Variants in HCFC1 observed in about 807,000 individuals in gnomAD.
HCFC1 encodes the protein host cell factor 1.
A neutral mutation model predicts 105.5 loss-of-function variants in HCFC1; 7 were observed. The observed-to-expected ratio is 0.07, with a 90% CI of 0.04 to 0.12. HCFC1 has a LOEUF of 0.12. Ranked by LOEUF, HCFC1 falls within the 10% of genes least tolerant of loss-of-function variation. HCFC1 has a pLI of 1.00. For missense variants in HCFC1, 1,065 were observed against 1,823.6 expected (o/e 0.58, Z 7.58); for synonymous variants, 918 against 828.1 (o/e 1.11, Z -1.86).
intron 17 of HCFC1, 141 bp downstream of exon 17, chrX:153,953,925 G>A (rs1356940799): frequency 7.9e-6 from 7 of 885,794 alleles, no homozygotes; most frequent in Admixed American, 3.0e-5. Context: ...CAGCCAGGAC[G>A]CCCCAGCTCT....
At chrX:153,963,126 AG>A (rs2065444804) in intron 4 of HCFC1, 98 bp downstream of exon 4, 2 of 622,192 alleles carry the variant, frequency 3.2e-6, no homozygotes, top group African/African-American at 4.4e-5. Context: ...CAGCTCCCTA[AG>A]AGCCCCACCT....
In HCFC1 at chrX:153,971,278, G is replaced by A. The variant is rs1019863811; in HGVS notation, c.-438C>T. The A allele has an allele frequency of 1.3e-5, 4 of 298,644 alleles. No homozygotes were observed. In the South Asian group the frequency reaches 5.5e-4, roughly 41 times the overall value. 24.6% of individuals were successfully genotyped at this position (298,644 alleles called of 1,213,427 possible). A position where few individuals can be genotyped will look rare whatever the true frequency, so the allele number is the denominator to read the frequency against. ...CACCCCCAAGTCCCCAGCACTGGCC[G>A]GCTTCCGGGGCGGGTGGAAAGGAGC... is the stretch of plus-strand genomic sequence containing the variant. On this transcript the variant is annotated 5_prime_UTR_variant, in exon 1 of 26. Transcript: ENST00000310441.
intron 18 of HCFC1, among the ~76,000 whole-genome samples, 181 bp downstream of exon 18, chrX:153,953,426 G>A (rs1375904008): frequency 8.9e-6 from 1 of 112,483 alleles, no homozygotes; most frequent in East Asian, 2.8e-4. Flanking sequence ...CAGAGATGCG[G>A]GGGACGGTGA....
chrX:153,953,488 GA>G, intron 18 of HCFC1, 118 bp downstream of exon 18: 3 of 754,882 alleles, frequency 4.0e-6, no homozygotes, highest in Non-Finnish European at 5.7e-6. Context: ...TTATGGTCCG[GA>G]AAAGGGACCA....
Position 153,958,005 on chromosome X carries a change from T to C in HCFC1, c.2028+20A>G, listed in dbSNP as rs1557115661. The C allele has an allele frequency of 2.5e-6, 3 of 1,192,392 alleles. No homozygotes were observed. The highest frequency in any genetic ancestry group is 3.4e-6 in the Non-Finnish European group (3 of 879,063). On this transcript the variant is annotated intron_variant, in intron 11 of 25. Transcript: ENST00000310441. Reference sequence around the variant, plus strand: ...TTCACCACTGGCAGTGGCCGTAGCCTGGCAGCACCCATCACTCACCAGAGC... The same window carrying C: ...TTCACCACTGGCAGTGGCCGTAGCCCGGCAGCACCCATCACTCACCAGAGC...
Position 153,954,376 on chromosome X carries a change from GCCC to G in HCFC1, c.4020_4022del (p.Gly1341del), listed in dbSNP as rs782352726. On this transcript the variant is annotated inframe_deletion, in exon 17 of 26. Transcript: ENST00000310441. ...GCTGCCCACCCTCGGGCTGGCCCGT[GCCC>G]CCGTTTGAAGTAGCGGTGGTGGCCG... is the stretch of plus-strand genomic sequence containing the variant. 5.8e-6 allele frequency: 7 copies of G among 1,206,014 alleles called. No individual in the cohort carries two copies. Among genetic ancestry groups the G allele is most frequent in the Non-Finnish European group, 7.8e-6 (7 of 893,109 alleles).
rs1436495630 is a variant in HCFC1, at chrX:153,955,540, G to A, written c.2859C>T (p.Pro953=). 6.9e-6 allele frequency: 8 copies of A among 1,166,924 alleles called. No homozygotes were observed. Among genetic ancestry groups the A allele is most frequent in the Admixed American group, 2.4e-5 (1 of 41,266 alleles). The change falls in exon 17 of 26, where the codon CCC becomes CCT. Residue 953 remains proline (P), a splice_region_variant and synonymous_variant. Coordinates refer to ENST00000310441, the MANE Select transcript of HCFC1 (RefSeq NM_005334.3). ...GAGTTACCTGGGTGGGCTGGGACAC[G>A]GGCTGGGGAGACACACGAGGAGGAG... The part of the protein sequence containing the change: ...GLTTPTITMQ[P]VSQPTQVTLI...
chrX:153,954,691 C>G lies in HCFC1; in HGVS notation c.3708G>C (p.Ala1236=). The G allele has an allele frequency of 8.3e-7, 1 of 1,203,823 alleles. No individual in the cohort carries two copies. The highest frequency in any genetic ancestry group is 2.3e-4 in the Middle Eastern group (1 of 4,312). Residue 1236 remains alanine, a synonymous_variant, in exon 17 of 26, where the codon GCG becomes GCC. Transcript: ENST00000310441. ...KDLPAGRHSH[A]VSTAAMTRSS... ...AACGGGTCATGGCAGCGGTGCTGAC[C>G]GCATGGCTGTGGCGCCCCGCAGGAA...
chrX:153,950,099 C>A (rs1226904791), intron 24 of HCFC1, 144 bp downstream of exon 24: 1 of 616,425 alleles, frequency 1.6e-6, no homozygotes, highest in Non-Finnish European at 2.4e-6. Context: ...TTGATGGCCA[C>A]CCCCGTGGGG....
In HCFC1 at chrX:153,949,230, C is replaced by T; in HGVS notation, c.*117G>A. ...GAAAGAGAAAGGGGAGAGGAGTGAA[C>T]AGCGGCTCGCGAGGGTGAAGTGCGA... is the stretch of plus-strand genomic sequence containing the variant. On this transcript the variant is annotated 3_prime_UTR_variant, in exon 26 of 26. Transcript: ENST00000310441. 1 of 522,067 alleles carries T rather than the reference C, an allele frequency of 1.9e-6. No homozygotes were observed. The highest frequency in any genetic ancestry group is 3.2e-5 in the Admixed American group (1 of 31,646). 43.0% of individuals were successfully genotyped at this position (522,067 alleles called of 1,213,427 possible).
Position 153,949,114 on chromosome X carries a change from G to A in HCFC1, c.*233C>T, listed in dbSNP as rs906036808. ...GGCGGCAGCGGGGAGGAAAGGAAGC[G>A]CGCTCCTCTCTCTGCTTTCCCATCT... On this transcript the variant is annotated 3_prime_UTR_variant, in exon 26 of 26. Transcript: ENST00000310441. 69 of 336,732 alleles carry A rather than the reference G, an allele frequency of 2.0e-4. No individual in the cohort carries two copies. Among genetic ancestry groups the A allele is most frequent in the Non-Finnish European group, 3.3e-4 (63 of 192,558 alleles). 27.8% of individuals were successfully genotyped at this position (336,732 alleles called of 1,213,427 possible).
At chrX:153,970,283 C>G (rs1284549311) in intron 1 of HCFC1, among the ~76,000 whole-genome samples, 1 of 109,545 alleles carries the variant, frequency 9.1e-6, no homozygotes, top group African/African-American at 3.3e-5. Context: ...GACAGCCCCT[C>G]TCCCTCACCA....
At chrX:153,965,138 C>T (rs894600919) in intron 1 of HCFC1, among the ~76,000 whole-genome samples, 1 of 111,204 alleles carries the variant, frequency 9.0e-6, no homozygotes, top group Non-Finnish European at 1.9e-5. Flanking sequence ...ACAGCCAGAG[C>T]CCAGAGCAGC....
chrX:153,961,081 A>G (rs1325589917), intron 6 of HCFC1, among the ~76,000 whole-genome samples: 1 of 112,964 alleles, frequency 8.9e-6, no homozygotes, highest in Non-Finnish European at 1.9e-5. Flanking sequence ...CCGCAACTCG[A>G]AGGAGGCTGC....
At chrX:153,962,392 G>T (rs1569546940) in intron 4 of HCFC1, 86 bp from the exon 5 acceptor site, 1 of 668,612 alleles carries the variant, frequency 1.5e-6, no homozygotes, top group Non-Finnish European at 2.4e-6. Context: ...AGGAAGGTAG[G>T]ATCTGTCTCA....
Position 153,956,904 on chromosome X carries a change from TG to T in HCFC1, c.2496+13del. 8.3e-7 allele frequency: 1 copy of T among 1,210,227 alleles called. No individual in the cohort carries two copies. The highest frequency in any genetic ancestry group is 1.1e-6 in the Non-Finnish European group (1 of 895,058). On this transcript the variant is annotated intron_variant, in intron 14 of 25. Coordinates refer to ENST00000310441, the MANE Select transcript of HCFC1 (RefSeq NM_005334.3). The stretch of plus-strand genomic sequence containing the variant: ...CTAGGACACTGGGCTGAGAGACGGC[TG>T]GGAGTGCCTCACCTGGGTCACTCCC...
chrX:153,953,065 G>A (rs782747140), intron 18 of HCFC1, 107 bp from the exon 19 acceptor site: 1 of 636,298 alleles, frequency 1.6e-6, no homozygotes. Context: ...AGCCCTTGGG[G>A]CAGTCTCAGT....
In HCFC1 at chrX:153,964,058, A is replaced by C. The variant is rs1442895334; in HGVS notation, c.503+66T>G. 4.0e-6 allele frequency: 4 copies of C among 994,345 alleles called. No individual in the cohort carries two copies. In the East Asian group the frequency reaches 9.5e-5, roughly 24 times the overall value. 81.9% of individuals were successfully genotyped at this position (994,345 alleles called of 1,213,427 possible). ...TGCTGCGCACATTCTTTAGGACACC[A>C]TGGAGCCCTGTGCATGTGAGAGCAC... On this transcript the variant is annotated intron_variant, in intron 3 of 25. Transcript: ENST00000310441.
At chrX:153,965,075 T>C (rs1160929767) in intron 1 of HCFC1, among the ~76,000 whole-genome samples, 1 of 111,374 alleles carries the variant, frequency 9.0e-6, no homozygotes, top group African/African-American at 3.3e-5. Context: ...TTGGTGGGCC[T>C]GTGCTCCTCC....
Sources: allele counts gnomAD v4.1 joint callset (sites outside exome capture counted in the v4.1 genomes callset), GRCh38; gene constraint gnomAD v4.1.1; transcripts MANE v1.5; gene names NCBI Gene and HGNC (gene_info 2026-07-23, HGNC 2026-07-21).